The following ATP2B1 variants were observed in gnomAD, a reference collection of about 807,000 sequenced individuals.
The protein encoded by ATP2B1 is plasma membrane calcium-transporting ATPase 1.
A neutral mutation model predicts 124.2 loss-of-function variants in ATP2B1; 14 were observed. The ratio of observed to expected loss-of-function variants is 0.11; its 90% confidence interval spans 0.07 to 0.18. The LOEUF (loss-of-function observed/expected upper bound fraction) is 0.18, where lower values mean the gene tolerates loss of function less well. Among genes scored for constraint, ATP2B1 ranks in the 10% least tolerant of loss-of-function variants. The pLI is 1.00. For missense variants in ATP2B1, 763 were observed against 1,466.1 expected, an observed-to-expected ratio of 0.52 and a Z score of 7.83; for synonymous variants, 449 against 492.4, an observed-to-expected ratio of 0.91 and a Z score of 1.17.
chr12:89,592,788 A>ACAAGTAT (rs1873837528), intron 20 of ATP2B1, among the ~76,000 whole-genome samples: 1 of 152,088 alleles, frequency 6.6e-6, no homozygotes, highest in African/African-American at 2.4e-5. Flanking sequence ...ATGTTAGGTC[A>ACAAGTAT]CAAGTATCGA....
At chr12:89,595,694 T>C (rs1267296801) in intron 20 of ATP2B1, among the ~76,000 whole-genome samples, 1 of 152,126 alleles carries the variant, frequency 6.6e-6, no homozygotes, top group Admixed American at 6.6e-5. Context: ...TTTTGGCTGA[T>C]GTTCTGTACC....
chr12:89,599,392 G>A (rs1290863461), intron 19 of ATP2B1, 93 bp from the exon 20 acceptor site: 6 of 1,338,144 alleles, frequency 4.5e-6, no homozygotes, highest in Non-Finnish European at 6.1e-6. Flanking sequence ...AGTGGTGAGA[G>A]TATCCGACTA....
At chr12:89,668,767 G>A (rs1396340869) in intron 1 of ATP2B1, among the ~76,000 whole-genome samples, 3 of 152,144 alleles carry the variant, frequency 2.0e-5, no homozygotes, top group African/African-American at 4.8e-5. Context: ...TTCAGTATGG[G>A]TGTCATGTCC....
At chr12:89,634,051 T>C (rs929467938) in intron 5 of ATP2B1, among the ~76,000 whole-genome samples, 1 of 152,126 alleles carries the variant, frequency 6.6e-6, no homozygotes, top group Non-Finnish European at 1.5e-5. Context: ...CCACCACCCC[T>C]TCCATTTCAT....
intron 12 of ATP2B1, among the ~76,000 whole-genome samples, chr12:89,614,853 G>T (rs998817703): frequency 6.6e-6 from 1 of 152,012 alleles, no homozygotes; most frequent in African/African-American, 2.4e-5. Flanking sequence ...CATCTCCTAT[G>T]CCACAACTGT....
rs779822283 is a variant in ATP2B1 at position 89,603,218 on chromosome 12, G to A, written c.2885C>T (p.Ala962Val). 6.2e-7 allele frequency: 1 copy of A among 1,610,470 alleles called. No individual in the cohort carries two copies. The highest frequency in any genetic ancestry group is 1.1e-5 in the South Asian group (1 of 90,472). The stretch of plus-strand genomic sequence containing the variant: ...TTCTGAAGGAGGAGCATGCAAAGGA[G>A]CATTTCTTCCACTATCAATGTCAAA... ...KFFDIDSGRN[A>V]PLHAPPSEHY... Residue 962 changes from alanine to valine, a missense_variant, in exon 18 of 21, where the codon GCT becomes GTT. By Grantham distance (64) the Ala-to-Val change is moderately conservative. Transcript: ENST00000428670. The surrounding 1 kb of genome is among the most constrained non-coding windows in gnomAD (Gnocchi z 4.3).
chr12:89,598,525 A>G, intron 20 of ATP2B1: 2 of 1,480,282 alleles, frequency 1.4e-6, no homozygotes, highest in Non-Finnish European at 1.8e-6. Context: ...TAAGGAGAAA[A>G]TGAGAAACGT....
intron 20 of ATP2B1, among the ~76,000 whole-genome samples, chr12:89,593,123 T>C (rs1386100416): frequency 6.6e-6 from 1 of 152,126 alleles, no homozygotes; most frequent in Non-Finnish European, 1.5e-5. Context: ...TAAAGTGTTC[T>C]ACATATGGAA....
At chr12:89,645,684 C>T (rs1377493413) in intron 2 of ATP2B1, among the ~76,000 whole-genome samples, 2 of 152,126 alleles carry the variant, frequency 1.3e-5, no homozygotes, top group Non-Finnish European at 2.9e-5. Flanking sequence ...ATTTACTAGC[C>T]AGAAGCAAAG....
intron 1 of ATP2B1, among the ~76,000 whole-genome samples, chr12:89,682,340 AAACAAG>A (rs1420403089): frequency 6.6e-6 from 1 of 152,182 alleles, no homozygotes; most frequent in African/African-American, 2.4e-5. Context: ...TCCTGAAACT[AAACAAG>A]CTGGTGTTTA....
intron 20 of ATP2B1, among the ~76,000 whole-genome samples, chr12:89,596,001 GAA>G (rs1221187784): frequency 6.6e-6 from 1 of 151,986 alleles, no homozygotes; most frequent in Non-Finnish European, 1.5e-5. Flanking sequence ...CTGTGCATCA[GAA>G]AAAAGAGCCT....
chr12:89,604,400 A>C, intron 15 of ATP2B1, 54 bp from the exon 16 acceptor site: 1 of 1,403,986 alleles, frequency 7.1e-7, no homozygotes, highest in Non-Finnish European at 9.7e-7. Context: ...TAACTTTCAA[A>C]TAGTCAAAAA....
intron 1 of ATP2B1, among the ~76,000 whole-genome samples, chr12:89,707,129 T>C (rs1200719371): frequency 6.6e-6 from 1 of 151,696 alleles, no homozygotes; most frequent in Non-Finnish European, 1.5e-5. Context: ...AAAAGCAGAT[T>C]CTCCTCCAAT....
rs368340344 is a variant in ATP2B1 at position 89,699,829 on chromosome 12, T to G, written c.-222+8767A>C. Reference sequence around the variant, plus strand: ...TTATGTACATAAAAACAGTAGTGCTTAAGCTCAAAGGCAGGGTCATCTATT... The same window carrying G: ...TTATGTACATAAAAACAGTAGTGCTGAAGCTCAAAGGCAGGGTCATCTATT... On this transcript the variant is annotated intron_variant, in intron 1 of 20. Coordinates refer to ENST00000428670, the MANE Select transcript of ATP2B1 (RefSeq NM_001366521.1). Among the ~76,000 whole-genome samples the G allele has an allele frequency of 1.1e-3, 164 of 152,094 alleles. 1 individual carries two copies. Among genetic ancestry groups the G allele is most frequent in the African/African-American group, 3.8e-3 (159 of 41,490 alleles).
intron 1 of ATP2B1, among the ~76,000 whole-genome samples, chr12:89,665,321 C>T (rs945057822): frequency 6.6e-6 from 1 of 152,098 alleles, no homozygotes; most frequent in East Asian, 1.9e-4. Flanking sequence ...TGTGGAGACT[C>T]ATATTGATAC....
intron 1 of ATP2B1, among the ~76,000 whole-genome samples, chr12:89,687,583 C>T (rs183157735): frequency 3.3e-4 from 50 of 152,060 alleles, no homozygotes; most frequent in Admixed American, 2.8e-3. Context: ...GACAACTGTA[C>T]TTTCAAATTA....
chr12:89,601,288 T>A, intron 19 of ATP2B1, 38 bp downstream of exon 19: 1 of 1,340,194 alleles, frequency 7.5e-7, no homozygotes, highest in Non-Finnish European at 1.0e-6. Flanking sequence ...AAAAAAAAAA[T>A]CACTTTAGGT....
chr12:89,677,638 A>G (rs185967784), intron 1 of ATP2B1, among the ~76,000 whole-genome samples: 244 of 152,206 alleles, frequency 1.6e-3, no homozygotes, highest in African/African-American at 5.5e-3. Flanking sequence ...AAAAATACAT[A>G]AACTGGTTCC....
At chr12:89,693,182 A>T (rs920850192) in intron 1 of ATP2B1, among the ~76,000 whole-genome samples, 1 of 152,210 alleles carries the variant, frequency 6.6e-6, no homozygotes, top group Admixed American at 6.5e-5. Flanking sequence ...ATGCCTTATC[A>T]AAGAACTGAC....
Sources: gnomAD v4.1 joint callset for allele counts (sites outside exome capture counted in the v4.1 genomes callset) on GRCh38, gnomAD v4.1.1 for gene constraint, Gnocchi (gnomAD v3.1) non-coding constraint, MANE v1.5 for transcripts, NCBI Gene and HGNC (gene_info 2026-07-23, HGNC 2026-07-21) for gene names.